The following ETFBKMT variants were observed in gnomAD, a reference collection of about 807,000 sequenced individuals.
ETFBKMT encodes electron transfer flavoprotein subunit beta lysine methyltransferase.
ETFBKMT carries 13 observed loss-of-function variants against 18.3 expected under a neutral mutation model. That is an observed-to-expected ratio of 0.71 (90% CI 0.46 to 1.13). The LOEUF is 1.13. ETFBKMT is among the 50% of genes most tolerant of loss of function. The pLI is 0.00. For synonymous variants in ETFBKMT, 84 were observed against 107.9 expected (o/e 0.78, Z 1.37); for missense variants, 293 against 306.2 (o/e 0.96, Z 0.32).
At position 31,662,465 on chromosome 12, in the gene ETFBKMT, C is replaced by T. The variant is rs74085127; in HGVS notation, c.314+198C>T. Among the ~76,000 whole-genome samples the T allele has an allele frequency of 5.1e-3, 773 of 151,854 alleles. 9 individuals are homozygous for T. Among genetic ancestry groups the T allele is most frequent in the African/African-American group, 0.017 (723 of 41,404 alleles). Reference sequence around the variant, plus strand: ...CCTGTCTCAAAAACAAAACAGAAACCGGCAAAACTCAGTCTTGTTGTTTTC... The same window carrying T: ...CCTGTCTCAAAAACAAAACAGAAACTGGCAAAACTCAGTCTTGTTGTTTTC... On this transcript the variant is annotated intron_variant, in intron 2 of 3. Coordinates refer to ENST00000357721, the MANE Select transcript of ETFBKMT (RefSeq NM_001135863.2).
At position 31,671,928 on chromosome 12, in the gene ETFBKMT, T is replaced by C. The variant is rs1349497458; in HGVS notation, c.*3938T>C. The C allele has an allele frequency of 2.5e-5, 4 of 162,110 alleles. No individual in the cohort carries two copies. Among genetic ancestry groups the C allele is most frequent in the African/African-American group, 9.6e-5 (4 of 41,684 alleles). The allele number at this position is 162,110 out of a possible 1,614,324, so 10.0% of individuals were successfully genotyped here. A position where few individuals can be genotyped will look rare whatever the true frequency, so the allele number is the denominator to read the frequency against. ...TTTACTTAGATTCTCCCAAGGTTTA[T>C]ACTTACAGGTAAACTTAGAACAATA... On this transcript the variant is annotated 3_prime_UTR_variant, in exon 4 of 4. Transcript: ENST00000357721.
chr12:31,657,132 C>A (rs1951068808), upstream of ETFBKMT, among the ~76,000 whole-genome samples: 1 of 152,170 alleles, frequency 6.6e-6, no homozygotes, highest in African/African-American at 2.4e-5. Context: ...AACCAAAAAA[C>A]CCTTAAAGAC....
Position 31,661,850 on chromosome 12 carries a change from T to G in ETFBKMT, c.-104T>G, listed in dbSNP as rs1592135576. On this transcript the variant is annotated 5_prime_UTR_variant, in exon 2 of 4. Transcript: ENST00000357721. ...TTCTTTTTTTTTTCAGAGTCAGAGG[T>G]TCCGGTTGAGATCAAGTTGGGAGAC... is the stretch of plus-strand genomic sequence containing the variant. 1.0e-6 allele frequency: 1 copy of G among 1,001,876 alleles called. No individual in the cohort carries two copies. 62.1% of individuals were successfully genotyped at this position (1,001,876 alleles called of 1,614,324 possible).
At chr12:31,650,948 G>C (rs1951012566) in intron 1 of ETFBKMT, among the ~76,000 whole-genome samples, 1 of 152,170 alleles carries the variant, frequency 6.6e-6, no homozygotes, top group African/African-American at 2.4e-5. Context: ...ACTTAGAACA[G>C]AAGCCATGTC....
intron 3 of ETFBKMT, among the ~76,000 whole-genome samples, chr12:31,667,389 A>C (rs1163813756): frequency 6.6e-6 from 1 of 152,200 alleles, no homozygotes; most frequent in Non-Finnish European, 1.5e-5. Flanking sequence ...TGGTTAATGA[A>C]ATCAGCAAAT....
chr12:31,672,281 C>T lies in ETFBKMT; in HGVS notation c.*4291C>T. ...AAGTAGTTTTGATAAGCTTTCCTAG[C>T]ATTGATCATCTTCAAAAAAGCATCA... On this transcript the variant is annotated 3_prime_UTR_variant, in exon 4 of 4. Transcript: ENST00000357721. The T allele has an allele frequency of 6.5e-7, 1 of 1,535,024 alleles. No homozygotes were observed.
upstream of ETFBKMT, chr12:31,659,369 A>G (rs1301766901): frequency 6.6e-6 from 1 of 152,260 alleles, no homozygotes; most frequent in Admixed American, 6.5e-5. Context: ...CTAGGTAAGG[A>G]GACAGGGAGG....
At chr12:31,663,364 T>C (rs1951153192) in intron 2 of ETFBKMT, among the ~76,000 whole-genome samples, 1 of 151,832 alleles carries the variant, frequency 6.6e-6, no homozygotes. Flanking sequence ...GTGCTGGGAT[T>C]ACAGGCGTGA....
chr12:31,669,820 CTT>C lies in ETFBKMT; in HGVS notation c.*1845_*1846del, dbSNP rs141097213. The C allele has an allele frequency of 2.9e-4, 41 of 139,884 alleles. No homozygotes were observed. Among genetic ancestry groups the C allele is most frequent in the Admixed American group, 2.9e-4 (4 of 13,946 alleles). The allele number at this position is 139,884 out of a possible 1,614,324, so 8.7% of individuals were successfully genotyped here. ...GGACAGATTCCTAGAGCTTTTGATT[CTT>C]TTTTTTTTTTTTTTGAGGCAGAGTT... On this transcript the variant is annotated 3_prime_UTR_variant, in exon 4 of 4. Coordinates refer to ENST00000357721, the MANE Select transcript of ETFBKMT (RefSeq NM_001135863.2).
chr12:31,647,392 GA>G (rs1480862095), intron 1 of ETFBKMT: 2 of 152,126 alleles, frequency 1.3e-5, no homozygotes, highest in Non-Finnish European at 2.9e-5. Flanking sequence ...TGCAGCTCTG[GA>G]ACCAGACGAC....
At chr12:31,653,417 TTCTA>T (rs1207724466) in intron 1 of ETFBKMT, among the ~76,000 whole-genome samples, 2 of 136,834 alleles carry the variant, frequency 1.5e-5, no homozygotes, top group Non-Finnish European at 3.2e-5. Context: ...GGAGTGAGGA[TTCTA>T]GTGTCAGTTG....
At chr12:31,647,581 C>G (rs1036018194) in intron 1 of ETFBKMT, among the ~76,000 whole-genome samples, 1 of 152,184 alleles carries the variant, frequency 6.6e-6, no homozygotes, top group African/African-American at 2.4e-5. Flanking sequence ...GTAATCCCAG[C>G]ACTTTGTGGG....
intron 2 of ETFBKMT, among the ~76,000 whole-genome samples, 186 bp from the exon 3 acceptor site, chr12:31,665,901 C>T (rs1592137941): frequency 6.6e-6 from 1 of 152,224 alleles, no homozygotes; most frequent in Non-Finnish European, 1.5e-5. Flanking sequence ...TGTTCCTTGC[C>T]CTCATTCCGG....
intron 1 of ETFBKMT, among the ~76,000 whole-genome samples, chr12:31,652,587 A>G (rs1340045116): frequency 6.6e-6 from 1 of 152,156 alleles, no homozygotes; most frequent in African/African-American, 2.4e-5. Context: ...CTTTTCTGTT[A>G]ATCTGGTTTA....
upstream of ETFBKMT, among the ~76,000 whole-genome samples, chr12:31,654,423 T>C (rs1951043353): frequency 6.6e-6 from 1 of 152,230 alleles, no homozygotes; most frequent in African/African-American, 2.4e-5. Flanking sequence ...CACTCCTAGG[T>C]ATTTATGCAA....
At chr12:31,659,491 TTAA>T (rs1313725513), upstream of ETFBKMT, 6 of 152,226 alleles carry the variant, frequency 3.9e-5, no homozygotes, top group Non-Finnish European at 8.8e-5. Flanking sequence ...CTCCTTCTCA[TTAA>T]GAGAAATACC....
intron 2 of ETFBKMT, 31 bp downstream of exon 2, chr12:31,662,298 A>G: frequency 6.3e-7 from 1 of 1,599,366 alleles, no homozygotes; most frequent in South Asian, 1.1e-5. Flanking sequence ...TTAAGGCGCT[A>G]CAGATCTTTG....
At chr12:31,651,307 C>CTTTTTTTTTTT (rs71062448) in intron 1 of ETFBKMT, among the ~76,000 whole-genome samples, 1 of 144,620 alleles carries the variant, frequency 6.9e-6, no homozygotes. Flanking sequence ...GATGCCTTCC[C>CTTTTTTTTTTT]TTTTTTTTTT....
In ETFBKMT at chr12:31,672,440, G is replaced by GAGGAA; in HGVS notation, c.*4450_*4451insAGGAA. ...TAAAAAATGTTTAATGTTTCCTCAT[G>GAGGAA]TCTAACTGGAGGTGATGTTAATTAT... On this transcript the variant is annotated 3_prime_UTR_variant, in exon 4 of 4. Coordinates refer to ENST00000357721, the MANE Select transcript of ETFBKMT (RefSeq NM_001135863.2). 1.7e-6 allele frequency: 2 copies of GAGGAA among 1,149,238 alleles called. No individual in the cohort carries two copies. The highest frequency in any genetic ancestry group is 2.6e-6 in the Non-Finnish European group (2 of 782,752). The allele number at this position is 1,149,238 out of a possible 1,614,324, so 71.2% of individuals were successfully genotyped here.
Sources: gnomAD v4.1 joint callset for allele counts (sites outside exome capture counted in the v4.1 genomes callset) on GRCh38, gnomAD v4.1.1 for gene constraint, MANE v1.5 for transcripts, NCBI Gene and HGNC (gene_info 2026-07-23, HGNC 2026-07-21) for gene names.